The following DAAM1 variants were observed in gnomAD, a reference collection of about 807,000 sequenced individuals.
DAAM1 encodes the protein dishevelled associated activator of morphogenesis 1.
Under a neutral mutation model 130.0 loss-of-function variants are expected in DAAM1, and 52 were observed. That is an observed-to-expected ratio of 0.40 (90% CI 0.32 to 0.50). The LOEUF (loss-of-function observed/expected upper bound fraction) is 0.50, where lower values mean the gene tolerates loss of function less well. DAAM1 is among the 20% of genes least tolerant of loss of function. The probability of loss-of-function intolerance (pLI) is 0.61; values close to 1 mark genes in which losing one functional copy is unlikely to be tolerated. For synonymous variants in DAAM1, 452 were observed against 444.5 expected (o/e 1.02, Z -0.21); for missense variants, 1,134 against 1,303.8 (o/e 0.87, Z 2.01).
chr14:59,211,659 G>T (rs896628497), intron 1 of DAAM1, among the ~76,000 whole-genome samples: 2 of 152,186 alleles, frequency 1.3e-5, no homozygotes, highest in African/African-American at 2.4e-5. Context: ...AAGAGTGTCA[G>T]TTGCCTTTCT....
chr14:59,335,820 C>G (rs1188046671), intron 15 of DAAM1, among the ~76,000 whole-genome samples: 2 of 152,066 alleles, frequency 1.3e-5, no homozygotes, highest in African/African-American at 4.8e-5. Context: ...ATTTTGGGGG[C>G]TCCATTTAGA....
intron 15 of DAAM1, among the ~76,000 whole-genome samples, chr14:59,332,616 G>A (rs1007811107): frequency 2.6e-4 from 40 of 152,334 alleles, no homozygotes; most frequent in African/African-American, 9.1e-4. Flanking sequence ...TCACATCTGT[G>A]TGGTACCTCT....
At chr14:59,224,310 A>G (rs573327332) in intron 1 of DAAM1, among the ~76,000 whole-genome samples, 1 of 152,358 alleles carries the variant, frequency 6.6e-6, no homozygotes, top group Admixed American at 6.5e-5. Flanking sequence ...TGTCTTCTGC[A>G]CAGGTCAAAT....
chr14:59,272,516 G>T (rs893601577), intron 2 of DAAM1, among the ~76,000 whole-genome samples: 5 of 152,118 alleles, frequency 3.3e-5, no homozygotes, highest in Non-Finnish European at 7.3e-5. Context: ...GATGGAGGTT[G>T]CAGTGAGCCG....
chr14:59,230,835 C>T (rs1271017477), intron 1 of DAAM1, among the ~76,000 whole-genome samples: 1 of 152,096 alleles, frequency 6.6e-6, no homozygotes, highest in Non-Finnish European at 1.5e-5. Context: ...ATCAAAACAT[C>T]TAATGCACCT....
At chr14:59,232,534 T>G (rs1252045313) in intron 1 of DAAM1, among the ~76,000 whole-genome samples, 2 of 152,180 alleles carry the variant, frequency 1.3e-5, no homozygotes, top group Non-Finnish European at 1.5e-5. Flanking sequence ...GTCTTCTGTT[T>G]AGTTTGGAAT....
chr14:59,357,154 C>A (rs1253597851), intron 20 of DAAM1: 1 of 152,170 alleles, frequency 6.6e-6, no homozygotes, highest in Non-Finnish European at 1.5e-5. Flanking sequence ...GGATCGCAAA[C>A]AAATGAAGCT....
chr14:59,198,203 C>CT (rs1196982603), intron 1 of DAAM1, among the ~76,000 whole-genome samples: 4 of 144,858 alleles, frequency 2.8e-5, no homozygotes, highest in Non-Finnish European at 4.6e-5. Flanking sequence ...CTTTTCTTTT[C>CT]TTTCTTTTTT....
chr14:59,288,035 C>T (rs1883540399), intron 2 of DAAM1, among the ~76,000 whole-genome samples: 1 of 152,082 alleles, frequency 6.6e-6, no homozygotes, highest in Non-Finnish European at 1.5e-5. Context: ...AGCAAGGCTA[C>T]AAAAACCAAA....
At chr14:59,359,941 T>C (rs1440979003) in intron 21 of DAAM1, among the ~76,000 whole-genome samples, 1 of 151,348 alleles carries the variant, frequency 6.6e-6, no homozygotes, top group Non-Finnish European at 1.5e-5. Context: ...GCCAAACTTT[T>C]ACCACAAACT....
At chr14:59,265,159 T>G (rs970946293) in intron 2 of DAAM1, 4 of 152,210 alleles carry the variant, frequency 2.6e-5, no homozygotes, top group Non-Finnish European at 4.4e-5. Flanking sequence ...TCACTCCAAC[T>G]CTTATAGACC....
chr14:59,269,739 A>G (rs1176883798), intron 2 of DAAM1, among the ~76,000 whole-genome samples: 1 of 152,234 alleles, frequency 6.6e-6, no homozygotes, highest in Non-Finnish European at 1.5e-5. Flanking sequence ...AATGTGAGGC[A>G]TGAAAAACAA....
chr14:59,281,332 C>G (rs1045193926), intron 2 of DAAM1, among the ~76,000 whole-genome samples: 2 of 152,166 alleles, frequency 1.3e-5, no homozygotes, highest in Non-Finnish European at 1.5e-5. Context: ...ACCCCCTTAC[C>G]TTATAAAGAT....
chr14:59,248,337 T>TGTTTTGTTTG (rs1555357950), intron 1 of DAAM1, among the ~76,000 whole-genome samples: 18 of 98,628 alleles, frequency 1.8e-4, no homozygotes, highest in African/African-American at 7.4e-4. Flanking sequence ...TGTTTTGTTT[T>TGTTTTGTTTG]GTTTTGTTTT....
intron 1 of DAAM1, among the ~76,000 whole-genome samples, chr14:59,221,572 A>T (rs1402475462): frequency 6.6e-6 from 1 of 152,068 alleles, no homozygotes; most frequent in Non-Finnish European, 1.5e-5. Flanking sequence ...GGTTGTTGTC[A>T]TTTTTCATTG....
intron 20 of DAAM1, among the ~76,000 whole-genome samples, chr14:59,358,735 C>T (rs143128635): frequency 0.032 from 4,853 of 151,508 alleles, 263 homozygotes; most frequent in African/African-American, 0.11. Context: ...CCCAGCTACT[C>T]GGGAGGCTGA....
intron 1 of DAAM1, among the ~76,000 whole-genome samples, chr14:59,208,099 G>A (rs1280827059): frequency 6.6e-6 from 1 of 152,158 alleles, no homozygotes. Flanking sequence ...CCAATTAAAT[G>A]TTGTCATAAG....
intron 3 of DAAM1, among the ~76,000 whole-genome samples, chr14:59,302,865 G>C (rs1884228053): frequency 6.6e-6 from 1 of 152,098 alleles, no homozygotes; most frequent in Non-Finnish European, 1.5e-5. Context: ...TGTTGGTCAG[G>C]CTGGTCTCGA....
At chr14:59,358,719 T>C (rs1471889890) in intron 20 of DAAM1, among the ~76,000 whole-genome samples, 1 of 151,938 alleles carries the variant, frequency 6.6e-6, no homozygotes, top group African/African-American at 2.4e-5. Flanking sequence ...GGCTGGCGCC[T>C]GTAATCCCAG....
Sources: allele counts gnomAD v4.1 joint callset (sites outside exome capture counted in the v4.1 genomes callset), GRCh38; gene constraint gnomAD v4.1.1; transcripts MANE v1.5; gene names NCBI Gene and HGNC (gene_info 2026-07-23, HGNC 2026-07-21).